DLGAP2: variants seen among roughly 807,000 people sequenced by gnomAD.
DLGAP2 encodes the protein disks large-associated protein 2.
In DLGAP2, 26 loss-of-function variants were observed where a neutral mutation model predicts 100.3. That is an observed-to-expected ratio of 0.26 (90% CI 0.19 to 0.36). The LOEUF (loss-of-function observed/expected upper bound fraction) is 0.36. DLGAP2 is among the 10% of genes least tolerant of loss of function. The pLI, the probability that DLGAP2 is intolerant of heterozygous loss-of-function variation, is 1.00. For synonymous variants in DLGAP2, 886 were observed against 630.1 expected, an observed-to-expected ratio of 1.41 and a Z score of -6.08; for missense variants, 1,858 against 1,453.2, an observed-to-expected ratio of 1.28 and a Z score of -4.53.
chr8:1,635,468 G>C (rs916178871), intron 8 of DLGAP2, among the ~76,000 whole-genome samples: 3 of 152,172 alleles, frequency 2.0e-5, no homozygotes, highest in African/African-American at 7.2e-5. Context: ...ACGTTCAATA[G>C]CTGTCATTTA....
At chr8:1,629,129 T>C (rs1797582852) in intron 7 of DLGAP2, among the ~76,000 whole-genome samples, 1 of 152,224 alleles carries the variant, frequency 6.6e-6, no homozygotes, top group South Asian at 2.1e-4. Context: ...CCGCAGACTT[T>C]AAATTCCTCA....
chr8:1,027,760 C>T (rs1801849708), intron 2 of DLGAP2, among the ~76,000 whole-genome samples: 1 of 129,812 alleles, frequency 7.7e-6, no homozygotes, highest in Non-Finnish European at 1.6e-5. Flanking sequence ...CGTTATTCTC[C>T]AGGTGGGGTG....
intron 3 of DLGAP2, among the ~76,000 whole-genome samples, chr8:1,374,818 A>G (rs949799700): frequency 1.3e-5 from 2 of 152,354 alleles, no homozygotes; most frequent in East Asian, 3.9e-4. Flanking sequence ...GTCCAAGCAG[A>G]GGCCACTCAG....
chr8:1,700,300 C>T (rs988595989), intron 14 of DLGAP2, among the ~76,000 whole-genome samples: 4 of 152,338 alleles, frequency 2.6e-5, no homozygotes, highest in East Asian at 1.9e-4. Context: ...GTGGTTCTGA[C>T]GCCTTCTGCC....
At chr8:1,201,709 G>C (rs1372625477) in intron 2 of DLGAP2, among the ~76,000 whole-genome samples, 1 of 152,212 alleles carries the variant, frequency 6.6e-6, no homozygotes, top group East Asian at 1.9e-4. Flanking sequence ...CCAGTGAATG[G>C]AGCTTGACCC....
chr8:1,560,248 G>T (rs1273105688), intron 5 of DLGAP2, among the ~76,000 whole-genome samples: 4 of 152,158 alleles, frequency 2.6e-5, no homozygotes, highest in Non-Finnish European at 4.4e-5. Flanking sequence ...ACATAAAAAT[G>T]TCAAGTGCTT....
At chr8:1,252,110 A>C (rs866769381) in intron 2 of DLGAP2, among the ~76,000 whole-genome samples, 231 of 110,452 alleles carry the variant, frequency 2.1e-3, no homozygotes, top group Middle Eastern at 8.6e-3. Flanking sequence ...CACGGTGTCA[A>C]AGTCATGTCA....
intron 3 of DLGAP2, among the ~76,000 whole-genome samples, chr8:1,313,817 C>G (rs144297459): frequency 6.6e-6 from 1 of 152,036 alleles, no homozygotes; most frequent in Non-Finnish European, 1.5e-5. Context: ...GTTCAGCTGG[C>G]GCCAAAACTG....
At chr8:1,172,801 GT>G (rs779384963) in intron 2 of DLGAP2, among the ~76,000 whole-genome samples, 7 of 152,020 alleles carry the variant, frequency 4.6e-5, no homozygotes, top group Non-Finnish European at 1.0e-4. Flanking sequence ...TTTTTTCAAA[GT>G]TTTTAACTTC....
At chr8:1,411,335 A>G (rs956547713) in intron 3 of DLGAP2, among the ~76,000 whole-genome samples, 8 of 152,242 alleles carry the variant, frequency 5.3e-5, no homozygotes, top group Non-Finnish European at 1.2e-4. Flanking sequence ...AAAATCTTAT[A>G]TGGTTTTGAA....
At chr8:1,532,669 G>T (rs1042560580) in intron 4 of DLGAP2, among the ~76,000 whole-genome samples, 1 of 152,120 alleles carries the variant, frequency 6.6e-6, no homozygotes, top group Non-Finnish European at 1.5e-5. Context: ...TTGATTCAAA[G>T]AAATGTGCAA....
In DLGAP2 at chr8:1,548,181, C is replaced by T. The variant is rs1012102211; in HGVS notation, c.173-445C>T. Among the ~76,000 whole-genome samples the T allele has an allele frequency of 2.6e-5, 4 of 152,180 alleles. No individual in the cohort carries two copies. In the East Asian group the frequency reaches 5.8e-4, roughly 22 times the overall value. On this transcript the variant is annotated intron_variant, in intron 4 of 14. Transcript: ENST00000637795. ...TGCGATATAAAAACAACTGCCTGGC[C>T]GGGTGTCCTGGCTCATATCTGTAAT...
At chr8:1,304,552 A>T (rs951987252) in intron 3 of DLGAP2, among the ~76,000 whole-genome samples, 2 of 152,224 alleles carry the variant, frequency 1.3e-5, no homozygotes, top group Non-Finnish European at 2.9e-5. Flanking sequence ...TCTGAAGCCA[A>T]CTTTGTTTTA....
At chr8:871,162 G>C (rs951847459) in intron 1 of DLGAP2, among the ~76,000 whole-genome samples, 1 of 152,168 alleles carries the variant, frequency 6.6e-6, no homozygotes, top group East Asian at 1.9e-4. Flanking sequence ...GTTGGGTGCC[G>C]TGCCCTGCCC....
intron 2 of DLGAP2, among the ~76,000 whole-genome samples, chr8:1,165,148 G>T (rs190446777): frequency 4.0e-5 from 6 of 149,692 alleles, no homozygotes; most frequent in African/African-American, 1.2e-4. Context: ...AAGACAGAGA[G>T]GGGGAGAGGA....
At chr8:1,501,261 T>C in intron 3 of DLGAP2, 105 bp from the exon 4 acceptor site, 1 of 1,205,664 alleles carries the variant, frequency 8.3e-7, no homozygotes, top group Non-Finnish European at 1.2e-6. Context: ...AAGGTGTCTG[T>C]CATGTTTGAA....
chr8:1,168,672 A>T (rs928308842), intron 2 of DLGAP2, among the ~76,000 whole-genome samples: 1 of 146,470 alleles, frequency 6.8e-6, no homozygotes, highest in Admixed American at 6.8e-5. Flanking sequence ...GGCTGCATAA[A>T]TGTCTTCTTT....
chr8:1,441,247 T>C (rs1016160548), intron 3 of DLGAP2, among the ~76,000 whole-genome samples: 1 of 152,210 alleles, frequency 6.6e-6, no homozygotes, highest in Non-Finnish European at 1.5e-5. Flanking sequence ...CAGATTTAAT[T>C]ATGTATATAC....
intron 2 of DLGAP2, among the ~76,000 whole-genome samples, chr8:943,480 G>A (rs571461645): frequency 6.6e-6 from 1 of 152,366 alleles, no homozygotes; most frequent in East Asian, 1.9e-4. Flanking sequence ...ACGTCATGAC[G>A]CGGCCATCCC....
Sources: allele counts gnomAD v4.1 joint callset (sites outside exome capture counted in the v4.1 genomes callset), GRCh38; gene constraint gnomAD v4.1.1; transcripts MANE v1.5; gene names NCBI Gene and HGNC (gene_info 2026-07-23, HGNC 2026-07-21).